The following CSMD1 variants were observed in gnomAD, a reference collection of about 807,000 sequenced individuals.
CSMD1 encodes the protein CUB and sushi domain-containing protein 1.
In CSMD1, 213 loss-of-function variants were observed where a neutral mutation model predicts 417.5. That is an observed-to-expected ratio of 0.51 (90% CI 0.46 to 0.57). The LOEUF (loss-of-function observed/expected upper bound fraction) is 0.57. Among genes scored for constraint, CSMD1 ranks in the 20% least tolerant of loss-of-function variants. CSMD1 has a pLI of 0.00. For synonymous variants in CSMD1, 2,862 were observed against 1,736.8 expected (o/e 1.65, Z -16.11); for missense variants, 6,923 against 4,529.7 (o/e 1.53, Z -15.17).
intron 5 of CSMD1, among the ~76,000 whole-genome samples, chr8:3,941,896 G>C (rs570579093): frequency 6.6e-6 from 1 of 152,092 alleles, no homozygotes; most frequent in Non-Finnish European, 1.5e-5. Context: ...GCCCTTTTAG[G>C]AATTGGGCCA....
At chr8:3,317,714 C>A (rs1805867759) in intron 23 of CSMD1, among the ~76,000 whole-genome samples, 1 of 152,172 alleles carries the variant, frequency 6.6e-6, no homozygotes, top group South Asian at 2.1e-4. Flanking sequence ...GATGTGTTCA[C>A]AATATCATGC....
At chr8:3,809,121 T>C (rs976752958) in intron 5 of CSMD1, among the ~76,000 whole-genome samples, 2 of 152,134 alleles carry the variant, frequency 1.3e-5, no homozygotes, top group East Asian at 3.9e-4. Flanking sequence ...TGCTCTGCCC[T>C]CTATTGGGAA....
At chr8:4,563,296 G>T (rs913069252) in intron 2 of CSMD1, among the ~76,000 whole-genome samples, 8 of 152,186 alleles carry the variant, frequency 5.3e-5, no homozygotes. Flanking sequence ...AGCTACTTGG[G>T]AGGCTGAAGC....
At chr8:4,355,329 ACACACACACG>A (rs1270990899) in intron 3 of CSMD1, among the ~76,000 whole-genome samples, 2 of 150,368 alleles carry the variant, frequency 1.3e-5, no homozygotes, top group African/African-American at 4.8e-5. Flanking sequence ...ACACACGCAC[ACACACACACG>A]TATATATGAT....
intron 39 of CSMD1, among the ~76,000 whole-genome samples, chr8:3,152,360 C>T (rs2129036155): frequency 6.6e-6 from 1 of 152,296 alleles, no homozygotes; most frequent in Non-Finnish European, 1.5e-5. Flanking sequence ...TTCTTATATT[C>T]CAAAATTAAT....
chr8:4,735,843 G>C (rs1213488261), intron 1 of CSMD1, among the ~76,000 whole-genome samples: 3 of 152,102 alleles, frequency 2.0e-5, no homozygotes, highest in Admixed American at 6.5e-5. Flanking sequence ...TCTGAACTGA[G>C]GCCTTTCTGA....
intron 10 of CSMD1, among the ~76,000 whole-genome samples, chr8:3,544,816 G>A (rs1798592286): frequency 1.3e-5 from 2 of 152,092 alleles, no homozygotes; most frequent in African/African-American, 4.8e-5. Flanking sequence ...ATGAAGACAA[G>A]CAGGAGATGA....
intron 3 of CSMD1, among the ~76,000 whole-genome samples, chr8:4,040,390 C>T (rs1443446829): frequency 6.6e-6 from 1 of 152,160 alleles, no homozygotes; most frequent in Non-Finnish European, 1.5e-5. Flanking sequence ...CAAAAACATG[C>T]TGCAGGGAGA....
chr8:3,865,514 G>A (rs1003208995), intron 5 of CSMD1, among the ~76,000 whole-genome samples: 1 of 152,030 alleles, frequency 6.6e-6, no homozygotes, highest in Admixed American at 6.5e-5. Flanking sequence ...AATAGTGGGG[G>A]AAAGAGTTGG....
chr8:3,735,408 T>G (rs1355114779), intron 6 of CSMD1, among the ~76,000 whole-genome samples: 5 of 152,150 alleles, frequency 3.3e-5, no homozygotes, highest in Non-Finnish European at 7.4e-5. Context: ...ATTTACAAAA[T>G]CCTTAGATGA....
intron 2 of CSMD1, among the ~76,000 whole-genome samples, chr8:4,594,470 G>A (rs1800153940): frequency 6.6e-6 from 1 of 151,968 alleles, no homozygotes. Flanking sequence ...AAAGTGCTGG[G>A]CTTAAAAGTG....
At chr8:4,282,049 C>G (rs1796814396) in intron 3 of CSMD1, among the ~76,000 whole-genome samples, 1 of 152,166 alleles carries the variant, frequency 6.6e-6, no homozygotes, top group Admixed American at 6.5e-5. Flanking sequence ...AACACTTTCC[C>G]TGGGTTGTAG....
intron 62 of CSMD1, among the ~76,000 whole-genome samples, chr8:2,958,079 GTTCT>G (rs1255146241): frequency 6.6e-6 from 1 of 152,080 alleles, no homozygotes; most frequent in African/African-American, 2.4e-5. Flanking sequence ...CTGTTTTAGA[GTTCT>G]TTCTTTTTTG....
chr8:2,984,800 A>G (rs1005665217), intron 54 of CSMD1, among the ~76,000 whole-genome samples: 6 of 152,272 alleles, frequency 3.9e-5, no homozygotes, highest in African/African-American at 1.4e-4. Flanking sequence ...TGGAGGTAAT[A>G]AACTTTTCAA....
intron 9 of CSMD1, among the ~76,000 whole-genome samples, chr8:3,581,568 C>T (rs1026074274): frequency 6.6e-6 from 1 of 152,170 alleles, no homozygotes; most frequent in Non-Finnish European, 1.5e-5. Context: ...ATGATCATTA[C>T]TTCAGAGTTA....
At chr8:4,569,685 T>C (rs1377107217) in intron 2 of CSMD1, among the ~76,000 whole-genome samples, 3 of 152,200 alleles carry the variant, frequency 2.0e-5, no homozygotes, top group Non-Finnish European at 4.4e-5. Context: ...ACAAAGTCAA[T>C]GGTAGCTTGA....
intron 12 of CSMD1, among the ~76,000 whole-genome samples, chr8:3,457,859 A>C (rs1816256789): frequency 6.6e-6 from 1 of 152,206 alleles, no homozygotes; most frequent in Non-Finnish European, 1.5e-5. Flanking sequence ...ATGTGGGAGA[A>C]TGTTATCACA....
intron 50 of CSMD1, among the ~76,000 whole-genome samples, chr8:3,037,587 A>C (rs541228505): frequency 6.6e-6 from 1 of 152,216 alleles, no homozygotes; most frequent in Admixed American, 6.5e-5. Flanking sequence ...CCACAGAGTG[A>C]CTTCTCTTCT....
At chr8:4,459,977 CCAT>C (rs1314402289) in intron 2 of CSMD1, among the ~76,000 whole-genome samples, 2 of 152,086 alleles carry the variant, frequency 1.3e-5, no homozygotes, top group African/African-American at 4.8e-5. Flanking sequence ...GCCAAAATGA[CCAT>C]CAGACTAGAC....
Sources: gnomAD v4.1 joint callset for allele counts (sites outside exome capture counted in the v4.1 genomes callset) on GRCh38, gnomAD v4.1.1 for gene constraint, MANE v1.5 for transcripts, NCBI Gene and HGNC (gene_info 2026-07-23, HGNC 2026-07-21) for gene names.